Variants in KCNN3 observed in about 807,000 individuals in gnomAD.
The protein encoded by KCNN3 is small conductance calcium-activated potassium channel protein 3.
A neutral mutation model predicts 62.9 loss-of-function variants in KCNN3; 16 were observed. That is an observed-to-expected ratio of 0.25 (90% CI 0.17 to 0.39). KCNN3 has a LOEUF of 0.39. KCNN3 is among the 10% of genes least tolerant of loss of function. KCNN3 has a pLI of 1.00. For synonymous variants in KCNN3, 370 were observed against 389.2 expected, an observed-to-expected ratio of 0.95 and a Z score of 0.58; for missense variants, 599 against 949.4, an observed-to-expected ratio of 0.63 and a Z score of 4.85.
chr1:154,859,424 G>A (rs1324073689), intron 1 of KCNN3, among the ~76,000 whole-genome samples: 1 of 152,208 alleles, frequency 6.6e-6, no homozygotes, highest in Admixed American at 6.5e-5. Flanking sequence ...ACTAGCAAGT[G>A]TCATCCTCCC....
chr1:154,815,218 T>C (rs751086621), intron 2 of KCNN3, among the ~76,000 whole-genome samples: 2 of 152,190 alleles, frequency 1.3e-5, no homozygotes, highest in Admixed American at 6.5e-5. Context: ...GAGACACCCT[T>C]AGGAAACCTC....
chr1:154,765,793 T>G (rs1648236259), intron 3 of KCNN3, among the ~76,000 whole-genome samples: 1 of 144,176 alleles, frequency 6.9e-6, no homozygotes, highest in African/African-American at 2.5e-5. Context: ...AATGTTTTTT[T>G]TGGTTTTTTT....
At chr1:154,711,978 C>CAGGGAGACGGAGAGGA (rs1700086449) in intron 7 of KCNN3, among the ~76,000 whole-genome samples, 1 of 139,904 alleles carries the variant, frequency 7.1e-6, no homozygotes, top group Non-Finnish European at 1.6e-5. Flanking sequence ...AAGAGAGAGA[C>CAGGGAGACGGAGAGGA]AGGGAGACGG....
chr1:154,841,573 G>A (rs1201597903), intron 1 of KCNN3, among the ~76,000 whole-genome samples: 1 of 152,164 alleles, frequency 6.6e-6, no homozygotes, highest in Non-Finnish European at 1.5e-5. Flanking sequence ...TAAGTCGCTT[G>A]CCTAAAGCCA....
intron 2 of KCNN3, among the ~76,000 whole-genome samples, chr1:154,808,850 G>A (rs916492791): frequency 6.6e-6 from 1 of 152,184 alleles, no homozygotes; most frequent in African/African-American, 2.4e-5. Context: ...AGAGCCCTTA[G>A]CTTCCTCCCC....
In KCNN3 at chr1:154,705,251, A is replaced by C. The variant is rs1699945170; in HGVS notation, c.*2725T>G. The C allele has an allele frequency of 6.6e-6, 1 of 152,226 alleles. No homozygotes were observed. The allele number at this position is 152,226 out of a possible 1,614,324, so 9.4% of individuals were successfully genotyped here. Reference sequence around the variant, plus strand: ...AAAACTTGGGTGAGCTACACCCAGAATAATTAATACTTAAGTCATCAAGGG... The same window carrying C: ...AAAACTTGGGTGAGCTACACCCAGACTAATTAATACTTAAGTCATCAAGGG... On this transcript the variant is annotated 3_prime_UTR_variant, in exon 8 of 8. Transcript: ENST00000271915.
Position 154,869,854 on chromosome 1 carries a change from TTGCTGCTGCTGCTGCTGC to T in KCNN3, c.93_110del (p.Gln36_Gln41del), listed in dbSNP as rs746772658. On this transcript the variant is annotated inframe_deletion, in exon 1 of 8. Coordinates refer to ENST00000271915, the MANE Select transcript of KCNN3 (RefSeq NM_002249.6). This position sits in a 1 kb window ranked among gnomAD's most constrained non-coding sequence, Gnocchi z 6.1. ...CTGGCGGTGGTGGCTGCTGCTGCTG[TTGCTGCTGCTGCTGCTGC>T]TGCTGCTCATCCCCAGAGGATGGAC... 3.2e-6 allele frequency: 5 copies of T among 1,583,696 alleles called. No individual in the cohort carries two copies. The African/African-American group carries it at 6.9e-5, about 22-fold the overall frequency.
intron 1 of KCNN3, chr1:154,859,802 G>A: frequency 6.2e-7 from 1 of 1,613,484 alleles, no homozygotes; most frequent in African/African-American, 1.3e-5. Context: ...GTAGGTGCCA[G>A]CTCAGTCCCT....
chr1:154,791,446 C>T (rs1249644552), intron 2 of KCNN3, among the ~76,000 whole-genome samples: 2 of 152,080 alleles, frequency 1.3e-5, no homozygotes, highest in Non-Finnish European at 2.9e-5. Context: ...CTGCCTCCCG[C>T]TGGCTGTGGC....
chr1:154,705,911 C>T lies in KCNN3; in HGVS notation c.*2065G>A, dbSNP rs1273771640. 6.6e-6 allele frequency: 1 copy of T among 152,194 alleles called. No individual in the cohort carries two copies. The highest frequency in any genetic ancestry group is 1.5e-5 in the Non-Finnish European group (1 of 68,040). 9.4% of individuals were successfully genotyped at this position (152,194 alleles called of 1,614,324 possible). Reference sequence around the variant, plus strand: ...TGCATGGTTACTTCATCTGTTTACACATCTGCTTATATGTTCAGCTGAACT... The same window carrying T: ...TGCATGGTTACTTCATCTGTTTACATATCTGCTTATATGTTCAGCTGAACT... On this transcript the variant is annotated 3_prime_UTR_variant, in exon 8 of 8. Transcript: ENST00000271915.
intron 1 of KCNN3, among the ~76,000 whole-genome samples, chr1:154,857,988 G>A (rs1016586627): frequency 2.0e-5 from 3 of 152,082 alleles, no homozygotes; most frequent in Admixed American, 2.0e-4. Context: ...ATATGATCCC[G>A]TCCACCCACC....
chr1:154,861,818 G>A (rs187551466), intron 1 of KCNN3, among the ~76,000 whole-genome samples: 11 of 152,336 alleles, frequency 7.2e-5, no homozygotes, highest in African/African-American at 2.6e-4. Context: ...ATCAGATTGC[G>A]AAGCCTCGGC....
chr1:154,808,924 G>A (rs1318909831), intron 2 of KCNN3, among the ~76,000 whole-genome samples: 1 of 152,218 alleles, frequency 6.6e-6, no homozygotes, highest in Non-Finnish European at 1.5e-5. Flanking sequence ...CACACAGCAG[G>A]CAGGTGTCGG....
rs1037021893 is a variant in KCNN3, at chr1:154,809,866, A to T, written c.1029+12223T>A. On this transcript the variant is annotated intron_variant, in intron 2 of 7. Coordinates refer to ENST00000271915, the MANE Select transcript of KCNN3 (RefSeq NM_002249.6). The surrounding 1 kb of genome is among the most constrained non-coding windows in gnomAD (Gnocchi z 4.3). ...AATATTCAATTCAATATAAACTAAC[A>T]GGCTACCATGAAAGCTAAAAGTCAC... Among the ~76,000 whole-genome samples, 1 of 152,196 alleles carries T rather than the reference A, an allele frequency of 6.6e-6. No individual in the cohort carries two copies. The highest frequency in any genetic ancestry group is 1.5e-5 in the Non-Finnish European group (1 of 68,036).
At chr1:154,838,087 T>A (rs559037456) in intron 1 of KCNN3, among the ~76,000 whole-genome samples, 14 of 152,296 alleles carry the variant, frequency 9.2e-5, no homozygotes, top group African/African-American at 3.4e-4. Context: ...GACAGCCAGC[T>A]GACAGGGGTC....
chr1:154,768,136 G>T (rs1011363528), intron 3 of KCNN3, among the ~76,000 whole-genome samples: 9 of 152,278 alleles, frequency 5.9e-5, no homozygotes, highest in African/African-American at 2.2e-4. Context: ...GATGCCTAAG[G>T]TGATAGAATC....
chr1:154,863,101 C>T (rs973671775), intron 1 of KCNN3, among the ~76,000 whole-genome samples: 2 of 152,172 alleles, frequency 1.3e-5, no homozygotes, highest in African/African-American at 4.8e-5. Context: ...TCCTGTCACT[C>T]AGCAACATCC....
chr1:154,773,510 C>T (rs760593723), intron 2 of KCNN3, among the ~76,000 whole-genome samples: 6 of 152,344 alleles, frequency 3.9e-5, no homozygotes, highest in Non-Finnish European at 5.9e-5. Flanking sequence ...TGACTAGCAT[C>T]GGAAGTCAGG....
At chr1:154,716,571 T>C (rs1220547594) in intron 5 of KCNN3, among the ~76,000 whole-genome samples, 1 of 152,276 alleles carries the variant, frequency 6.6e-6, no homozygotes, top group Non-Finnish European at 1.5e-5. Flanking sequence ...GGCTGGATTA[T>C]ATTTTTCATT....
Sources: gnomAD v4.1 joint callset for allele counts (sites outside exome capture counted in the v4.1 genomes callset) on GRCh38, gnomAD v4.1.1 for gene constraint, Gnocchi (gnomAD v3.1) non-coding constraint, MANE v1.5 for transcripts, NCBI Gene and HGNC (gene_info 2026-07-23, HGNC 2026-07-21) for gene names.